The following DIAPH3 variants were observed in gnomAD, a reference collection of about 807,000 sequenced individuals.
DIAPH3 encodes the protein diaphanous related formin 3.
A neutral mutation model predicts 144.3 loss-of-function variants in DIAPH3; 117 were observed. The observed-to-expected ratio is 0.81, with a 90% confidence interval of 0.70 to 0.95. The LOEUF is 0.95. Ranked by LOEUF, DIAPH3 falls within the 40% of genes least tolerant of loss-of-function variation. The probability of loss-of-function intolerance (pLI) is 0.00; values close to 1 mark genes in which losing one functional copy is unlikely to be tolerated. For missense variants in DIAPH3, 1,421 were observed against 1,412.7 expected, an observed-to-expected ratio of 1.01 and a Z score of -0.09; for synonymous variants, 519 against 488.9, an observed-to-expected ratio of 1.06 and a Z score of -0.81.
chr13:59,979,021 A>G lies in DIAPH3; in HGVS notation c.1545+1774T>C, dbSNP rs540108726. ...TTCCTGCCTAAAGCAAAGTATTTAC[A>G]TGTGTCCTTATAAAACTATCAGAAC... On this transcript the variant is annotated intron_variant, in intron 14 of 27. Transcript: ENST00000400324. Among the ~76,000 whole-genome samples the G allele has an allele frequency of 7.9e-5, 12 of 151,690 alleles. No homozygotes were observed. In the South Asian group the frequency reaches 8.3e-4, roughly 10 times the overall value.
intron 21 of DIAPH3, among the ~76,000 whole-genome samples, chr13:59,877,584 T>C (rs1268156345): frequency 6.6e-6 from 1 of 152,158 alleles, no homozygotes; most frequent in African/African-American, 2.4e-5. Flanking sequence ...GCCATATATG[T>C]TTCATGGCAA....
rs1162328460 is a variant in DIAPH3, at chr13:59,851,808, C to T, written c.2737+9599G>A. ...CAGTTTTTTGTATTTTTAGTAGAGA[C>T]GGGGTTTCACCATGTTGGCCAGGAT... On this transcript the variant is annotated intron_variant, in intron 22 of 27. Coordinates refer to ENST00000400324, the MANE Select transcript of DIAPH3 (RefSeq NM_001042517.2). Among the ~76,000 whole-genome samples, 6 of 152,034 alleles carry T rather than the reference C, an allele frequency of 3.9e-5. No homozygotes were observed. The East Asian group carries it at 7.7e-4, about 20-fold the overall frequency.
intron 27 of DIAPH3, among the ~76,000 whole-genome samples, chr13:59,741,782 A>G (rs1049108472): frequency 7.6e-6 from 1 of 131,964 alleles, no homozygotes; most frequent in Non-Finnish European, 1.6e-5. Context: ...CCACTCTATA[A>G]TTCTAAACAA....
chr13:60,056,356 A>G (rs2056558124), intron 4 of DIAPH3, among the ~76,000 whole-genome samples: 1 of 151,280 alleles, frequency 6.6e-6, no homozygotes, highest in East Asian at 1.9e-4. Context: ...ATAGATGAAA[A>G]GAAGAATAAA....
intron 5 of DIAPH3, among the ~76,000 whole-genome samples, chr13:60,032,448 C>G (rs2054876664): frequency 6.6e-6 from 1 of 152,230 alleles, no homozygotes; most frequent in Non-Finnish European, 1.5e-5. Flanking sequence ...GCGGAGGCTA[C>G]CAAACCTCAA....
In DIAPH3 at chr13:59,729,810, A is replaced by ATTTTTT. The variant is rs59987412; in HGVS notation, c.3319+44373_3319+44378dup. On this transcript the variant is annotated intron_variant, in intron 27 of 27. Transcript: ENST00000400324. The stretch of plus-strand genomic sequence containing the variant: ...TGTGACTTCCGGTGAATACATTAAT[A>ATTTTTT]TTTTTTTTTTTTTTTTTTTGAGATA... 3.8e-3 allele frequency among the ~76,000 whole-genome samples: 507 copies of ATTTTTT among 133,646 alleles called. 16 individuals carry two copies. The highest frequency in any genetic ancestry group is 0.013 in the African/African-American group (430 of 32,070). The allele number at this position is 133,646 out of a possible 152,430, so 87.7% of individuals were successfully genotyped here.
intron 24 of DIAPH3, among the ~76,000 whole-genome samples, chr13:59,814,958 TTATTTCACTTAATA>T (rs2040690309): frequency 1.3e-5 from 2 of 152,264 alleles, no homozygotes; most frequent in Non-Finnish European, 2.9e-5. Context: ...AGTGAATGGC[TTATTTCACTTAATA>T]TAATGTCTTC....
intron 21 of DIAPH3, among the ~76,000 whole-genome samples, chr13:59,861,814 C>T (rs528689598): frequency 6.6e-6 from 1 of 152,032 alleles, no homozygotes; most frequent in Non-Finnish European, 1.5e-5. Context: ...AACAGAGTAA[C>T]CTATGAGTCT....
At chr13:59,955,411 C>A (rs1416411370) in intron 17 of DIAPH3, among the ~76,000 whole-genome samples, 1 of 152,166 alleles carries the variant, frequency 6.6e-6, no homozygotes, top group Non-Finnish European at 1.5e-5. Context: ...TAAGACGTGC[C>A]TTTACTCCTC....
intron 27 of DIAPH3, among the ~76,000 whole-genome samples, chr13:59,670,707 C>T (rs867536558): frequency 5.3e-5 from 8 of 151,888 alleles, no homozygotes; most frequent in East Asian, 1.9e-4. Context: ...CTCAGCCTCC[C>T]GAGTAGCTGG....
intron 27 of DIAPH3, among the ~76,000 whole-genome samples, chr13:59,761,887 G>A (rs539001311): frequency 1.6e-4 from 25 of 151,894 alleles, no homozygotes; most frequent in South Asian, 4.2e-4. Context: ...TCGGCTTCTG[G>A]TTATATCTTA....
In DIAPH3 at chr13:59,668,977, A is replaced by G. The variant is rs146185447; in HGVS notation, c.3320-2131T>C. ...GGTAAAAGCAAAAGGAGGTTAAGTC[A>G]TTTGCTTAGACTTAGTTACTGAGTA... On this transcript the variant is annotated intron_variant, in intron 27 of 27. Coordinates refer to ENST00000400324, the MANE Select transcript of DIAPH3 (RefSeq NM_001042517.2). 8.5e-3 allele frequency among the ~76,000 whole-genome samples: 1,295 copies of G among 152,224 alleles called. 8 individuals are homozygous for G. Among genetic ancestry groups the G allele is most frequent in the Non-Finnish European group, 0.013 (857 of 68,024 alleles).
intron 4 of DIAPH3, among the ~76,000 whole-genome samples, chr13:60,088,931 A>G (rs1594633824): frequency 6.6e-6 from 1 of 152,146 alleles, no homozygotes; most frequent in Non-Finnish European, 1.5e-5. Flanking sequence ...CATATATTTT[A>G]TTTTTACTAA....
intron 9 of DIAPH3, among the ~76,000 whole-genome samples, chr13:59,998,599 C>A (rs528504859): frequency 6.6e-6 from 1 of 152,134 alleles, no homozygotes; most frequent in Admixed American, 6.6e-5. Flanking sequence ...CAGAAAACTG[C>A]CAGTAAACTC....
chr13:59,960,262 T>C (rs1041471934), intron 17 of DIAPH3, among the ~76,000 whole-genome samples: 2 of 152,254 alleles, frequency 1.3e-5, no homozygotes, highest in African/African-American at 4.8e-5. Context: ...CATTTCTTTA[T>C]GTGTTTCCTT....
chr13:59,928,537 G>GCTAAGACT (rs2047863907), intron 17 of DIAPH3, among the ~76,000 whole-genome samples: 1 of 152,088 alleles, frequency 6.6e-6, no homozygotes, highest in African/African-American at 2.4e-5. Flanking sequence ...GCTTTAATAA[G>GCTAAGACT]CTAAGACTTT....
At chr13:59,933,893 T>A (rs770367753) in intron 17 of DIAPH3, among the ~76,000 whole-genome samples, 38 of 152,210 alleles carry the variant, frequency 2.5e-4, no homozygotes, top group African/African-American at 9.2e-4. Context: ...CATTTCAAAA[T>A]CCTTTCTTTC....
Position 59,992,520 on chromosome 13 carries a change from G to A in DIAPH3, c.1078C>T (p.His360Tyr). The change falls in exon 10 of 28, where the codon CAC (histidine) becomes TAC (tyrosine). Residue 360 changes from histidine (H) to tyrosine (Y), a missense_variant. Coordinates refer to ENST00000400324, the MANE Select transcript of DIAPH3 (RefSeq NM_001042517.2). ...TSPDDLDFRL[H>Y]IRNEFMRCGL... is the part of the protein sequence containing the mutation. ...CAACGCATAAATTCATTTCTGATGT[G>A]AAGCCTGAAATCCAAATCATCAGGA... 4.3e-6 allele frequency: 7 copies of A among 1,612,200 alleles called. No individual in the cohort carries two copies. The highest frequency in any genetic ancestry group is 5.1e-6 in the Non-Finnish European group (6 of 1,179,146).
intron 1 of DIAPH3, chr13:60,144,742 T>C (rs774419855): frequency 3.3e-5 from 5 of 152,208 alleles, no homozygotes; most frequent in African/African-American, 1.2e-4. Flanking sequence ...GAATCAACAG[T>C]GGAGCTATGC....
Sources: allele counts gnomAD v4.1 joint callset (sites outside exome capture counted in the v4.1 genomes callset), GRCh38; gene constraint gnomAD v4.1.1; transcripts MANE v1.5; gene names NCBI Gene and HGNC (gene_info 2026-07-23, HGNC 2026-07-21).